The following DPP10 variants were observed in gnomAD, a reference collection of about 807,000 sequenced individuals.
DPP10 encodes the protein dipeptidyl peptidase like 10.
A neutral mutation model predicts 120.9 loss-of-function variants in DPP10; 33 were observed. The observed-to-expected ratio is 0.27, with a 90% confidence interval of 0.21 to 0.37. The LOEUF (loss-of-function observed/expected upper bound fraction) is 0.37, where lower values mean the gene tolerates loss of function less well. Ranked by LOEUF, DPP10 falls within the 10% of genes least tolerant of loss-of-function variation. The probability of loss-of-function intolerance (pLI) is 1.00; values close to 1 mark genes in which losing one functional copy is unlikely to be tolerated. For missense variants in DPP10, 816 were observed against 942.8 expected, an observed-to-expected ratio of 0.87 and a Z score of 1.76; for synonymous variants, 337 against 326.1, an observed-to-expected ratio of 1.03 and a Z score of -0.36.
chr2:115,278,016 C>T (rs2059989714), intron 1 of DPP10, among the ~76,000 whole-genome samples: 1 of 152,080 alleles, frequency 6.6e-6, no homozygotes, highest in African/African-American at 2.4e-5. Context: ...CAGTGCTGTG[C>T]AGTTTGATAA....
At chr2:115,302,609 G>A (rs2061189358) in intron 1 of DPP10, among the ~76,000 whole-genome samples, 1 of 151,616 alleles carries the variant, frequency 6.6e-6, no homozygotes, top group African/African-American at 2.4e-5. Flanking sequence ...ACAAAAACAA[G>A]AAAAACAATC....
intron 1 of DPP10, among the ~76,000 whole-genome samples, chr2:114,795,843 G>T (rs926995312): frequency 6.6e-5 from 10 of 152,100 alleles, no homozygotes; most frequent in African/African-American, 2.4e-4. Flanking sequence ...ATTATAACAA[G>T]TTAAAAATTA....
intron 5 of DPP10, among the ~76,000 whole-genome samples, chr2:115,592,475 A>G (rs938197767): frequency 6.6e-6 from 1 of 151,992 alleles, no homozygotes; most frequent in Non-Finnish European, 1.5e-5. Flanking sequence ...CATGCCTGTA[A>G]TCCTAGCACT....
chr2:114,582,300 A>G (rs899828950), intron 1 of DPP10, among the ~76,000 whole-genome samples: 1 of 152,210 alleles, frequency 6.6e-6, no homozygotes, highest in South Asian at 2.1e-4. Flanking sequence ...GCTGAATAAT[A>G]TTCCATTGTC....
chr2:114,584,645 G>A (rs1690806448), intron 1 of DPP10, among the ~76,000 whole-genome samples: 1 of 147,254 alleles, frequency 6.8e-6, no homozygotes, highest in Admixed American at 7.0e-5. Flanking sequence ...AACCTGCAGT[G>A]TTTGGTTATT....
intron 5 of DPP10, among the ~76,000 whole-genome samples, chr2:115,581,303 G>A (rs900189657): frequency 1.3e-5 from 2 of 152,044 alleles, no homozygotes; most frequent in African/African-American, 2.4e-5. Flanking sequence ...AAATATACTT[G>A]CTATTTTCCT....
chr2:114,965,126 A>ACTTT lies in DPP10; in HGVS notation c.61-344092_61-344089dup, dbSNP rs560094719. On this transcript the variant is annotated intron_variant, in intron 1 of 25. Transcript: ENST00000410059. ...GGAAGTGGTAAGAGTTCAGTTTGGG[A>ACTTT]CTTTCTTTCTTTCTTTCTTTCTTTT... 3.2e-3 allele frequency among the ~76,000 whole-genome samples: 485 copies of ACTTT among 151,544 alleles called. 2 individuals are homozygous for ACTTT. The highest frequency in any genetic ancestry group is 0.01 in the Middle Eastern group (3 of 294).
chr2:115,762,348 G>A (rs546490371), intron 11 of DPP10, among the ~76,000 whole-genome samples: 2 of 151,132 alleles, frequency 1.3e-5, no homozygotes, highest in East Asian at 4.0e-4. Flanking sequence ...TGGGAATTCT[G>A]AAAGAATTCA....
At chr2:115,813,636 G>A (rs1686905205) in intron 19 of DPP10, among the ~76,000 whole-genome samples, 1 of 152,166 alleles carries the variant, frequency 6.6e-6, no homozygotes, top group Admixed American at 6.5e-5. Flanking sequence ...TCTGTGTTTT[G>A]TCTGATTCTC....
intron 1 of DPP10, among the ~76,000 whole-genome samples, chr2:114,764,260 G>T (rs1680518866): frequency 7.0e-6 from 1 of 142,924 alleles, no homozygotes. Flanking sequence ...TCATTTCCTT[G>T]CAACTGCTGG....
intron 1 of DPP10, among the ~76,000 whole-genome samples, chr2:114,696,700 T>A (rs1204031117): frequency 6.6e-6 from 1 of 151,718 alleles, no homozygotes; most frequent in African/African-American, 2.4e-5. Flanking sequence ...AAAGAAATAA[T>A]GGTGAGCTAA....
intron 3 of DPP10, among the ~76,000 whole-genome samples, chr2:115,485,144 A>G (rs2075690622): frequency 1.3e-5 from 2 of 152,044 alleles, no homozygotes; most frequent in Admixed American, 6.6e-5. Flanking sequence ...CCTGGGCATA[A>G]GAACAAATAT....
chr2:115,703,210 TTTATTA>T (rs567393076), intron 7 of DPP10, among the ~76,000 whole-genome samples: 3 of 151,760 alleles, frequency 2.0e-5, no homozygotes, highest in African/African-American at 7.3e-5. Flanking sequence ...TTTAAATTTA[TTTATTA>T]TTATTATTAT....
At chr2:115,651,414 G>A (rs111277669) in intron 5 of DPP10, among the ~76,000 whole-genome samples, 12 of 152,048 alleles carry the variant, frequency 7.9e-5, no homozygotes, top group African/African-American at 1.4e-4. Flanking sequence ...CTTTCCCGGC[G>A]CTGAATTATC....
chr2:115,393,893 T>C (rs1410629220), intron 3 of DPP10, among the ~76,000 whole-genome samples: 2 of 152,136 alleles, frequency 1.3e-5, no homozygotes, highest in Non-Finnish European at 2.9e-5. Context: ...ATAGCACATA[T>C]GGAGGTCCAT....
At chr2:115,057,231 C>T (rs866454337) in intron 1 of DPP10, among the ~76,000 whole-genome samples, 9 of 152,162 alleles carry the variant, frequency 5.9e-5, no homozygotes, top group Non-Finnish European at 1.0e-4. Flanking sequence ...ATATTCTCTA[C>T]CTGCCTTACC....
intron 1 of DPP10, among the ~76,000 whole-genome samples, chr2:114,666,386 A>G (rs1697923196): frequency 6.6e-6 from 1 of 152,214 alleles, no homozygotes; most frequent in African/African-American, 2.4e-5. Context: ...AGAATACCAA[A>G]GGGATGAAAA....
rs1311386246 is a variant in DPP10, at chr2:115,005,330, G to A, written c.61-303909G>A. On this transcript the variant is annotated intron_variant, in intron 1 of 25. Coordinates refer to ENST00000410059, the MANE Select transcript of DPP10 (RefSeq NM_020868.6). Reference sequence around the variant, plus strand: ...AGCGCCTCTCCTCCTCCAAAGGAACGCAGCTCCTCACCAGCAATGGAACAA... The same window carrying A: ...AGCGCCTCTCCTCCTCCAAAGGAACACAGCTCCTCACCAGCAATGGAACAA... 7.2e-5 allele frequency among the ~76,000 whole-genome samples: 11 copies of A among 152,256 alleles called. No homozygotes were observed. In the South Asian group the frequency reaches 1.2e-3, roughly 17 times the overall value.
At chr2:115,574,328 A>G (rs1276533664) in intron 5 of DPP10, among the ~76,000 whole-genome samples, 1 of 152,188 alleles carries the variant, frequency 6.6e-6, no homozygotes, top group Non-Finnish European at 1.5e-5. Context: ...CTGAGTAATT[A>G]ATGAGACATA....
Sources: gnomAD v4.1 joint callset for allele counts (sites outside exome capture counted in the v4.1 genomes callset) on GRCh38, gnomAD v4.1.1 for gene constraint, MANE v1.5 for transcripts, NCBI Gene and HGNC (gene_info 2026-07-23, HGNC 2026-07-21) for gene names.